Variants in GNAL observed in about 807,000 individuals in gnomAD.
GNAL encodes G protein subunit alpha L, also known as guanine nucleotide-binding protein G(olf) subunit alpha.
A neutral mutation model predicts 55.1 loss-of-function variants in GNAL; 18 were observed. That is an observed-to-expected ratio of 0.33 (90% CI 0.23 to 0.48). The LOEUF (loss-of-function observed/expected upper bound fraction) is 0.48. GNAL is among the 20% of genes least tolerant of loss of function. The probability of loss-of-function intolerance (pLI) is 0.99; values close to 1 mark genes in which losing one functional copy is unlikely to be tolerated. For missense variants in GNAL, 412 were observed against 614.1 expected (o/e 0.67, Z 3.48); for synonymous variants, 253 against 237.0 (o/e 1.07, Z -0.62).
At chr18:11,802,078 A>T (rs1362379035) in intron 4 of GNAL, among the ~76,000 whole-genome samples, 3 of 151,906 alleles carry the variant, frequency 2.0e-5, no homozygotes, top group South Asian at 2.1e-4. Context: ...GTTTAGGGAC[A>T]TTTTTTTTCT....
intron 4 of GNAL, among the ~76,000 whole-genome samples, chr18:11,773,693 A>AG (rs1245610255): frequency 1.3e-5 from 2 of 152,218 alleles, no homozygotes; most frequent in East Asian, 3.8e-4. Flanking sequence ...CCAAGGCAGG[A>AG]GGATCACCTG....
Position 11,751,394 on chromosome 18 carries a change from GGA to G in GNAL, c.377-1457_377-1456del. ...TCTGGAAGAGTTGTTGTGCTGCTTGGGAGCACTGCACAGGAGAAACGGGGGCT... is the reference window on the plus strand; with the variant it reads ...TCTGGAAGAGTTGTTGTGCTGCTTGGGCACTGCACAGGAGAAACGGGGGCT... On this transcript the variant is annotated intron_variant, in intron 1 of 11. Coordinates refer to ENST00000334049, the MANE Select transcript of GNAL (RefSeq NM_182978.4). The surrounding 1 kb of genome is among the most constrained non-coding windows in gnomAD (Gnocchi z 4.5). 2.2e-6 allele frequency: 1 copy of G among 461,308 alleles called. No homozygotes were observed. The highest frequency in any genetic ancestry group is 2.9e-6 in the Non-Finnish European group (1 of 350,652). The allele number at this position is 461,308 out of a possible 1,614,324, so 28.6% of individuals were successfully genotyped here.
intron 4 of GNAL, among the ~76,000 whole-genome samples, chr18:11,807,772 G>A (rs2034703922): frequency 6.6e-6 from 1 of 152,190 alleles, no homozygotes. Flanking sequence ...GGGGGGCCCA[G>A]CACCAACCCT....
intron 4 of GNAL, among the ~76,000 whole-genome samples, chr18:11,756,484 A>G (rs1026605588): frequency 6.6e-5 from 10 of 152,022 alleles, no homozygotes; most frequent in African/African-American, 2.4e-4. Context: ...GTTGTCTTAA[A>G]TGTCTATGCA....
rs2032890682 is a variant in GNAL at position 11,752,632 on chromosome 18, G to C, written c.377-221G>C. The stretch of plus-strand genomic sequence containing the variant: ...CGGCCCCAGCGGAGCGCACAGCCAG[G>C]AGCGGCGAGCGCCAGGCTGGGCGGG... On this transcript the variant is annotated intron_variant, in intron 1 of 11. Coordinates refer to ENST00000334049, the MANE Select transcript of GNAL (RefSeq NM_182978.4). This position sits in a 1 kb window ranked among gnomAD's most constrained non-coding sequence, Gnocchi z 4.5. 1 of 1,491,746 alleles carries C rather than the reference G, an allele frequency of 6.7e-7. No individual in the cohort carries two copies. Among genetic ancestry groups the C allele is most frequent in the African/African-American group, 1.5e-5 (1 of 67,424 alleles). The allele number at this position is 1,491,746 out of a possible 1,614,324, so 92.4% of individuals were successfully genotyped here.
intron 4 of GNAL, among the ~76,000 whole-genome samples, chr18:11,810,123 G>C (rs1040248885): frequency 6.6e-6 from 1 of 152,222 alleles, no homozygotes; most frequent in Non-Finnish European, 1.5e-5. Context: ...GGGCAGGGCG[G>C]CTCACGCCTA....
chr18:11,878,537 AAT>A (rs1307720305), intron 11 of GNAL, among the ~76,000 whole-genome samples: 9 of 152,194 alleles, frequency 5.9e-5, no homozygotes, highest in Non-Finnish European at 1.3e-4. Context: ...GACAGGGACA[AAT>A]AGTCACACTA....
At chr18:11,781,983 T>TA (rs1380617836) in intron 4 of GNAL, among the ~76,000 whole-genome samples, 1 of 152,212 alleles carries the variant, frequency 6.6e-6, no homozygotes, top group African/African-American at 2.4e-5. Flanking sequence ...AGACAATGGA[T>TA]ACATAATATG....
chr18:11,872,395 G>A lies in GNAL; in HGVS notation c.1159G>A (p.Asp387Asn). ...ATATGCAAATTATACTGTTCCTGAA[G>A]ACGGTAAGATTTCAAAACACATTCT... is the stretch of plus-strand genomic sequence containing the variant. ...PEYANYTVPE[D>N]ATPDAGEDPK... The change falls in exon 10 of 12, where the codon GAC becomes AAC. Residue 387 changes from aspartate (D) to asparagine (N), a missense_variant. By Grantham distance (23) the Asp-to-Asn change is conservative. Around this residue, in one of 5 missense-constraint regions of GNAL, gnomAD observed 79 missense variants for 127.1 expected, o/e 0.62. Transcript: ENST00000334049. The A allele has an allele frequency of 6.5e-7, 1 of 1,550,006 alleles. No individual in the cohort carries two copies. Among genetic ancestry groups the A allele is most frequent in the Non-Finnish European group, 8.7e-7 (1 of 1,148,734 alleles).
chr18:11,880,580 T>C (rs534583442), intron 11 of GNAL, among the ~76,000 whole-genome samples: 4 of 152,100 alleles, frequency 2.6e-5, no homozygotes, highest in Non-Finnish European at 4.4e-5. Flanking sequence ...GTCTCAAAAA[T>C]ATATAAATAA....
At position 11,884,923 on chromosome 18, in the gene GNAL, GT is replaced by G; in HGVS notation, c.*3789del. 7.7e-7 allele frequency: 1 copy of G among 1,290,846 alleles called. No homozygotes were observed. Among genetic ancestry groups the G allele is most frequent in the Non-Finnish European group, 1.0e-6 (1 of 1,002,700 alleles). The allele number at this position is 1,290,846 out of a possible 1,614,324, so 80.0% of individuals were successfully genotyped here. ...GCTCACTGGGTTCCCATCAAATATAGTGGGGGATCCATAACAGAGATTCAGA... is the reference window on the plus strand; with the variant it reads ...GCTCACTGGGTTCCCATCAAATATAGGGGGGATCCATAACAGAGATTCAGA... On this transcript the variant is annotated 3_prime_UTR_variant, in exon 12 of 12. Transcript: ENST00000334049.
At chr18:11,843,253 C>G (rs558669754) in intron 5 of GNAL, among the ~76,000 whole-genome samples, 1 of 151,840 alleles carries the variant, frequency 6.6e-6, no homozygotes, top group Non-Finnish European at 1.5e-5. Flanking sequence ...AATCCTAGCA[C>G]TTTGGGAGGC....
intron 1 of GNAL, among the ~76,000 whole-genome samples, chr18:11,703,414 T>C (rs1292473683): frequency 1.3e-5 from 2 of 152,248 alleles, no homozygotes; most frequent in Non-Finnish European, 2.9e-5. Context: ...TTATTTGTTA[T>C]AGGTTTTCAT....
At chr18:11,798,358 C>A (rs1171859713) in intron 4 of GNAL, among the ~76,000 whole-genome samples, 1 of 152,122 alleles carries the variant, frequency 6.6e-6, no homozygotes, top group Non-Finnish European at 1.5e-5. Flanking sequence ...AACTGTGAAA[C>A]CTTTGTAGTT....
chr18:11,723,011 CAAAAAAAAAAA>C (rs61457198), intron 1 of GNAL, among the ~76,000 whole-genome samples: 1 of 80,000 alleles, frequency 1.3e-5, no homozygotes, highest in East Asian at 3.9e-4. Flanking sequence ...AACTTCATCT[CAAAAAAAAAAA>C]AAAAAAAAAA....
chr18:11,740,519 CATTTGTGGACAGA>C (rs567460004), intron 1 of GNAL, among the ~76,000 whole-genome samples: 1 of 152,300 alleles, frequency 6.6e-6, no homozygotes, highest in East Asian at 1.9e-4. Context: ...TGCACACACC[CATTTGTGGACAGA>C]ATCATGAGTG....
At chr18:11,723,011 CAA>C (rs61457198) in intron 1 of GNAL, among the ~76,000 whole-genome samples, 37,458 of 78,862 alleles carry the variant, frequency 0.47, 8,679 homozygotes, top group Non-Finnish European at 0.58. Flanking sequence ...AACTTCATCT[CAA>C]AAAAAAAAAA....
chr18:11,786,235 A>G (rs1329925364), intron 4 of GNAL, among the ~76,000 whole-genome samples: 1 of 152,136 alleles, frequency 6.6e-6, no homozygotes, highest in African/African-American at 2.4e-5. Flanking sequence ...AGTATTACTC[A>G]AAGACCCCAA....
intron 1 of GNAL, among the ~76,000 whole-genome samples, chr18:11,704,208 C>T (rs1414487733): frequency 6.6e-6 from 1 of 152,218 alleles, no homozygotes; most frequent in Non-Finnish European, 1.5e-5. Flanking sequence ...CAGTGGGTCA[C>T]ACCCTAGACC....
Sources: gnomAD v4.1 joint callset for allele counts (sites outside exome capture counted in the v4.1 genomes callset) on GRCh38, gnomAD v4.1.1 for gene constraint, gnomAD v4.1.1 regional missense constraint, Gnocchi (gnomAD v3.1) non-coding constraint, MANE v1.5 for transcripts, NCBI Gene and HGNC (gene_info 2026-07-23, HGNC 2026-07-21) for gene names.